Variants in PYM1 observed in about 807,000 individuals in gnomAD.
PYM1 encodes partner of Y14 and mago.
PYM1 carries 7 observed loss-of-function variants against 20.7 expected under a neutral mutation model. The observed-to-expected ratio is 0.34, with a 90% CI of 0.19 to 0.64. PYM1 has a LOEUF of 0.64. PYM1 is among the 30% of genes least tolerant of loss of function. The pLI, the probability that PYM1 is intolerant of heterozygous loss-of-function variation, is 0.74. For synonymous variants in PYM1, 100 were observed against 99.2 expected, an observed-to-expected ratio of 1.01 and a Z score of -0.05; for missense variants, 194 against 250.0, an observed-to-expected ratio of 0.78 and a Z score of 1.51.
intron 1 of PYM1, among the ~76,000 whole-genome samples, chr12:55,918,368 G>A (rs1883044405): frequency 6.6e-6 from 1 of 151,964 alleles, no homozygotes. Context: ...CCAAAGTGCT[G>A]GGATTACAGG....
intron 1 of PYM1, among the ~76,000 whole-genome samples, chr12:55,926,718 AAAG>A (rs1162561059): frequency 2.2e-4 from 33 of 152,260 alleles, no homozygotes; most frequent in Non-Finnish European, 2.4e-4. Flanking sequence ...GGGGAGGGGA[AAAG>A]AAGGAGGGCA....
chr12:55,923,073 A>C (rs1883127596), intron 1 of PYM1, among the ~76,000 whole-genome samples: 1 of 151,904 alleles, frequency 6.6e-6, no homozygotes, highest in Non-Finnish European at 1.5e-5. Flanking sequence ...AAAAATACAA[A>C]ATTAGCCGGG....
intron 1 of PYM1, among the ~76,000 whole-genome samples, chr12:55,913,182 T>A (rs1327524647): frequency 2.0e-5 from 3 of 152,192 alleles, no homozygotes; most frequent in Non-Finnish European, 4.4e-5. Flanking sequence ...TAAAACTTGC[T>A]TTCTGTGCAC....
At chr12:55,907,194 C>T (rs1250908972) in intron 1 of PYM1, among the ~76,000 whole-genome samples, 1 of 151,664 alleles carries the variant, frequency 6.6e-6, no homozygotes, top group Non-Finnish European at 1.5e-5. Context: ...CCAGATGCGG[C>T]GGTTCACACC....
chr12:55,905,714 AT>A (rs1882785083), intron 1 of PYM1, among the ~76,000 whole-genome samples: 3 of 32,248 alleles, frequency 9.3e-5, no homozygotes, highest in Admixed American at 6.0e-4. Flanking sequence ...ATTAAAAAAT[AT>A]ATATATATGT....
At chr12:55,905,040 C>T (rs10783773) in intron 1 of PYM1, among the ~76,000 whole-genome samples, 141,615 of 151,248 alleles carry the variant, frequency 0.94, 66,999 homozygotes, top group Non-Finnish European at 1. Context: ...CTCGCTCTGT[C>T]GCCCAGGCTG....
In PYM1 at chr12:55,915,213, TA is replaced by T. The variant is rs1174981358; in HGVS notation, c.38-11734del. On this transcript the variant is annotated intron_variant, in intron 1 of 2. Transcript: ENST00000408946. ...CTGGGCAACAGTCCAAGACTCTGCCTAAAAAAAAAAAAAAAAAAAAAAAGTA... is the reference window on the plus strand; with the variant it reads ...CTGGGCAACAGTCCAAGACTCTGCCTAAAAAAAAAAAAAAAAAAAAAAGTA... Among the ~76,000 whole-genome samples the T allele has an allele frequency of 3.3e-4, 16 of 48,974 alleles. No individual in the cohort carries two copies. The East Asian group carries it at 4.1e-3, about 13-fold the overall frequency. The allele number at this position is 48,974 out of a possible 152,430, so 32.1% of individuals were successfully genotyped here.
At chr12:55,922,017 G>T (rs1459362972) in intron 1 of PYM1, among the ~76,000 whole-genome samples, 2 of 152,022 alleles carry the variant, frequency 1.3e-5, no homozygotes, top group South Asian at 2.1e-4. Context: ...GGGACCACAG[G>T]TGTGTGCCAC....
Position 55,902,110 on chromosome 12 carries a change from C to A in PYM1, c.377G>T (p.Ser126Ile). The change falls in exon 3 of 3, where the codon AGT becomes ATT. Residue 126 changes from serine (S) to isoleucine (I), a missense_variant. By Grantham distance (142) the Ser-to-Ile change is moderately radical. Transcript: ENST00000408946. ...GGCTGCCCGAGAGCCCTGTGGAGCA[C>A]TGGGGAGTTGGGCTGTCTCTTCCAG... ...VSLEETAQLP[S>I]APQGSRAAPT... 1 of 1,614,126 alleles carries A rather than the reference C, an allele frequency of 6.2e-7. No homozygotes were observed. Among genetic ancestry groups the A allele is most frequent in the South Asian group, 1.1e-5 (1 of 91,080 alleles).
At chr12:55,927,293 G>C in intron 1 of PYM1, 1 of 948,208 alleles carries the variant, frequency 1.1e-6, no homozygotes, top group Non-Finnish European at 1.7e-6. Flanking sequence ...AAATAAAGCC[G>C]TGGGCTTTTT....
rs557084807 is a variant in PYM1, at chr12:55,904,128, C to T, written c.38-648G>A. ...GATTACAGGCCCCTGCCACCACATC[C>T]GGCTAATTTTTGTATTATTAGTAGA... On this transcript the variant is annotated intron_variant, in intron 1 of 2. Transcript: ENST00000408946. 8.6e-5 allele frequency among the ~76,000 whole-genome samples: 13 copies of T among 152,006 alleles called. No homozygotes were observed. The East Asian group carries it at 1.8e-3, about 21-fold the overall frequency.
intron 1 of PYM1, among the ~76,000 whole-genome samples, chr12:55,919,635 C>T (rs1883064439): frequency 6.6e-6 from 1 of 151,338 alleles, no homozygotes; most frequent in Non-Finnish European, 1.5e-5. Flanking sequence ...TGGTGGCTCA[C>T]GTCTATAATC....
chr12:55,906,819 T>G (rs150461774), intron 1 of PYM1, among the ~76,000 whole-genome samples: 6 of 152,136 alleles, frequency 3.9e-5, no homozygotes, highest in African/African-American at 1.4e-4. Context: ...TGGCTAATTT[T>G]GTGTTTTTAG....
At chr12:55,904,344 A>G (rs754829008) in intron 1 of PYM1, among the ~76,000 whole-genome samples, 41 of 151,058 alleles carry the variant, frequency 2.7e-4, no homozygotes, top group Non-Finnish European at 5.3e-4. Context: ...CTATAATCCC[A>G]GCACTTTGGG....
intron 1 of PYM1, among the ~76,000 whole-genome samples, chr12:55,923,013 G>T (rs538154177): frequency 4.0e-5 from 6 of 151,814 alleles, no homozygotes; most frequent in African/African-American, 1.5e-4. Context: ...ATCACCCGAG[G>T]TCAGGAGTTT....
intron 1 of PYM1, among the ~76,000 whole-genome samples, chr12:55,909,559 C>G (rs989063535): frequency 3.3e-5 from 5 of 149,700 alleles, no homozygotes; most frequent in African/African-American, 7.4e-5. Context: ...AGTATTTAAT[C>G]TAGCATAATA....
intron 1 of PYM1, among the ~76,000 whole-genome samples, chr12:55,904,693 A>G (rs1177690473): frequency 6.6e-6 from 1 of 151,682 alleles, no homozygotes; most frequent in African/African-American, 2.4e-5. Flanking sequence ...CCTGGCCAAC[A>G]TGGTGAAACC....
chr12:55,925,103 GA>G lies in PYM1; in HGVS notation c.37+2621del, dbSNP rs1266862752. ...AGCAACATGCTGTGGCCTAGAAGCG[GA>G]AGCCAAGAAAACATCTCTAATCATA... On this transcript the variant is annotated intron_variant, in intron 1 of 2. Transcript: ENST00000408946. Among the ~76,000 whole-genome samples the G allele has an allele frequency of 4.6e-5, 7 of 152,302 alleles. No individual in the cohort carries two copies. In the East Asian group the frequency reaches 7.7e-4, roughly 17 times the overall value.
At chr12:55,905,724 G>A (rs201178961) in intron 1 of PYM1, among the ~76,000 whole-genome samples, 17 of 127,002 alleles carry the variant, frequency 1.3e-4, no homozygotes, top group South Asian at 4.6e-4. Context: ...ATATATATAT[G>A]TATATATATA....
Sources: gnomAD v4.1 joint callset for allele counts (sites outside exome capture counted in the v4.1 genomes callset) on GRCh38, gnomAD v4.1.1 for gene constraint, MANE v1.5 for transcripts, NCBI Gene and HGNC (gene_info 2026-07-23, HGNC 2026-07-21) for gene names.